The following GPAM variants were observed in gnomAD, a reference collection of about 807,000 sequenced individuals.
The protein encoded by GPAM is glycerol-3-phosphate acyltransferase 1, mitochondrial.
GPAM carries 56 observed loss-of-function variants against 105.0 expected under a neutral mutation model. The observed-to-expected ratio is 0.53, with a 90% CI of 0.43 to 0.67. The LOEUF (loss-of-function observed/expected upper bound fraction) is 0.67, where lower values mean the gene tolerates loss of function less well. Among genes scored for constraint, GPAM ranks in the 30% least tolerant of loss-of-function variants. The pLI, the probability that GPAM is intolerant of heterozygous loss-of-function variation, is 0.00. For missense variants in GPAM, 855 were observed against 989.8 expected (o/e 0.86, Z 1.83); for synonymous variants, 368 against 354.4 (o/e 1.04, Z -0.43).
upstream of GPAM, among the ~76,000 whole-genome samples, chr10:112,215,966 G>C (rs188779370): frequency 6.6e-6 from 1 of 152,132 alleles, no homozygotes; most frequent in Admixed American, 6.5e-5. Flanking sequence ...TGCTCTGTTC[G>C]GCTTATGAAG....
In GPAM at chr10:112,152,159, A is replaced by T; in HGVS notation, c.*1391T>A. 1 of 973,858 alleles carries T rather than the reference A, an allele frequency of 1.0e-6. No homozygotes were observed. Among genetic ancestry groups the T allele is most frequent in the Non-Finnish European group, 1.2e-6 (1 of 819,490 alleles). The allele number at this position is 973,858 out of a possible 1,614,324, so 60.3% of individuals were successfully genotyped here. A position where few individuals can be genotyped will look rare whatever the true frequency, so the allele number is the denominator to read the frequency against. Reference sequence around the variant, plus strand: ...CAGTACTTTTATACTAAATTCAAAGAATCTATGTAACACTCATCTGGAAAA... The same window carrying T: ...CAGTACTTTTATACTAAATTCAAAGTATCTATGTAACACTCATCTGGAAAA... On this transcript the variant is annotated 3_prime_UTR_variant, in exon 22 of 22. Coordinates refer to ENST00000348367, the MANE Select transcript of GPAM (RefSeq NM_001244949.2).
At chr10:112,218,795 A>C (rs1315885452), upstream of GPAM, among the ~76,000 whole-genome samples, 1 of 152,232 alleles carries the variant, frequency 6.6e-6, no homozygotes, top group Non-Finnish European at 1.5e-5. Flanking sequence ...TAGACTACAC[A>C]GGGTAAATGC....
At chr10:112,172,889 A>G (rs1847336930) in intron 8 of GPAM, 81 bp downstream of exon 8, 5 of 813,880 alleles carry the variant, frequency 6.1e-6, no homozygotes, top group Middle Eastern at 2.2e-4. Context: ...CACAGTACAC[A>G]AGAAAACATT....
intron 1 of GPAM, among the ~76,000 whole-genome samples, chr10:112,212,607 G>A (rs1048458229): frequency 5.9e-5 from 9 of 152,150 alleles, no homozygotes; most frequent in Non-Finnish European, 1.0e-4. Flanking sequence ...AGGATGCAGT[G>A]AACCCAAAGC....
At chr10:112,221,499 T>C in the GPAM span, among the ~76,000 whole-genome samples, 3 of 152,240 alleles carry the variant, frequency 2.0e-5, no homozygotes, top group Admixed American at 6.5e-5. Context: ...AATCTGCATT[T>C]TAACAGAATG....
chr10:112,166,879 G>A (rs1847227551), intron 11 of GPAM, among the ~76,000 whole-genome samples: 1 of 152,126 alleles, frequency 6.6e-6, no homozygotes, highest in Admixed American at 6.5e-5. Flanking sequence ...ACATCAAAGA[G>A]GCCATTTATC....
rs773611514 is a variant in GPAM, at chr10:112,152,017, G to A, written c.*1533C>T. On this transcript the variant is annotated 3_prime_UTR_variant, in exon 22 of 22. Coordinates refer to ENST00000348367, the MANE Select transcript of GPAM (RefSeq NM_001244949.2). ...ATTATTGCTATGAGTTTCAAACATGGTATTTCATACAATGTGAAATATCAA... is the reference window on the plus strand; with the variant it reads ...ATTATTGCTATGAGTTTCAAACATGATATTTCATACAATGTGAAATATCAA... 4 of 969,570 alleles carry A rather than the reference G, an allele frequency of 4.1e-6. No individual in the cohort carries two copies. Among genetic ancestry groups the A allele is most frequent in the Non-Finnish European group, 4.9e-6 (4 of 815,478 alleles). The allele number at this position is 969,570 out of a possible 1,614,324, so 60.1% of individuals were successfully genotyped here.
At chr10:112,183,126 CTTACCATCTGTGTGATTTTTTA>C (rs1475018368) in intron 1 of GPAM, among the ~76,000 whole-genome samples, 1 of 152,226 alleles carries the variant, frequency 6.6e-6, no homozygotes, top group Non-Finnish European at 1.5e-5. Flanking sequence ...TCTTCCACTG[CTTACCATCTGTGTGATTTTTTA>C]TTACCATAAG....
upstream of GPAM, among the ~76,000 whole-genome samples, chr10:112,186,505 A>G (rs889855561): frequency 2.0e-5 from 3 of 151,706 alleles, no homozygotes; most frequent in African/African-American, 7.3e-5. Flanking sequence ...TAGGTAAATA[A>G]TTTTTCTTAT....
chr10:112,194,459 C>T (rs538845299), intron 1 of GPAM, among the ~76,000 whole-genome samples: 3 of 152,298 alleles, frequency 2.0e-5, no homozygotes, highest in South Asian at 4.2e-4. Context: ...TTCAGGAAAA[C>T]CTTTTGTTCC....
At chr10:112,173,576 T>C in intron 7 of GPAM, 123 bp downstream of exon 7, 1 of 961,602 alleles carries the variant, frequency 1.0e-6, no homozygotes, top group Non-Finnish European at 1.7e-6. Flanking sequence ...TAATTTAATA[T>C]CAGGATTCAT....
rs1846922459 is a variant in GPAM at position 112,151,671 on chromosome 10, T to C, written c.*1879A>G. The C allele has an allele frequency of 2.0e-6, 2 of 985,124 alleles. No individual in the cohort carries two copies. Among genetic ancestry groups the C allele is most frequent in the African/African-American group, 3.5e-5 (2 of 57,218 alleles). 61.0% of individuals were successfully genotyped at this position (985,124 alleles called of 1,614,324 possible). On this transcript the variant is annotated 3_prime_UTR_variant, in exon 22 of 22. Transcript: ENST00000348367. ...CAGCAATGACAGGCAGGGCAGAGTGTCGACTGGGAAGCGAGTCCCAATCTT... is the reference window on the plus strand; with the variant it reads ...CAGCAATGACAGGCAGGGCAGAGTGCCGACTGGGAAGCGAGTCCCAATCTT...
Position 112,166,391 on chromosome 10 carries a change from C to A in GPAM, c.1221+11G>T. ...ATGCTTCAACATGGTTTCATTTCAA[C>A]AGACACTCACCTTTAAGGAAAATGG... On this transcript the variant is annotated intron_variant, in intron 12 of 21. Coordinates refer to ENST00000348367, the MANE Select transcript of GPAM (RefSeq NM_001244949.2). 3 of 1,424,652 alleles carry A rather than the reference C, an allele frequency of 2.1e-6. No homozygotes were observed. In the South Asian group the frequency reaches 3.4e-5, roughly 16 times the overall value. The allele number at this position is 1,424,652 out of a possible 1,614,324, so 88.3% of individuals were successfully genotyped here.
intron 19 of GPAM, chr10:112,156,255 T>C: frequency 1.7e-6 from 1 of 600,312 alleles, no homozygotes; most frequent in South Asian, 1.9e-5. Flanking sequence ...TTCTTTATTG[T>C]AATCATTCAC....
chr10:112,164,651 C>T lies in GPAM; in HGVS notation c.1222-41G>A, dbSNP rs373129343. ...CAACATGATCATTTACCCTCACTTT[C>T]GCACCAACATATAAAATGTAATTTC... is the stretch of plus-strand genomic sequence containing the variant. On this transcript the variant is annotated intron_variant, in intron 12 of 21. Transcript: ENST00000348367. The T allele has an allele frequency of 4.2e-4, 416 of 998,594 alleles. 2 individuals are homozygous for T. Among genetic ancestry groups the T allele is most frequent in the Non-Finnish European group, 3.1e-4 (192 of 618,628 alleles). 61.9% of individuals were successfully genotyped at this position (998,594 alleles called of 1,614,324 possible). A position where few individuals can be genotyped will look rare whatever the true frequency, so the allele number is the denominator to read the frequency against.
At chr10:112,224,087 C>T in the GPAM span, among the ~76,000 whole-genome samples, 3 of 152,138 alleles carry the variant, frequency 2.0e-5, no homozygotes, top group African/African-American at 7.2e-5. Flanking sequence ...GTAGTGATGT[C>T]TATCATTTCC....
intron 1 of GPAM, among the ~76,000 whole-genome samples, chr10:112,203,406 A>G (rs912151063): frequency 9.9e-5 from 15 of 151,224 alleles, no homozygotes; most frequent in African/African-American, 3.7e-4. Context: ...CAGCCCCAGC[A>G]TGGGAGAACC....
intron 5 of GPAM, among the ~76,000 whole-genome samples, chr10:112,176,219 GT>G: frequency 6.6e-6 from 1 of 152,300 alleles, no homozygotes; most frequent in Middle Eastern, 3.4e-3. Flanking sequence ...AGGCAGATCA[GT>G]TGAAAGAAGT....
chr10:112,221,977 C>A, the GPAM span, among the ~76,000 whole-genome samples: 1 of 152,176 alleles, frequency 6.6e-6, no homozygotes, highest in Non-Finnish European at 1.5e-5. Context: ...AAAACAGCAT[C>A]CTTATCCTTC....
Sources: gnomAD v4.1 joint callset for allele counts (sites outside exome capture counted in the v4.1 genomes callset) on GRCh38, gnomAD v4.1.1 for gene constraint, MANE v1.5 for transcripts, NCBI Gene and HGNC (gene_info 2026-07-23, HGNC 2026-07-21) for gene names.